The following LCORL variants were observed in gnomAD, a reference collection of about 807,000 sequenced individuals.
The protein encoded by LCORL is ligand-dependent nuclear receptor corepressor-like protein.
A neutral mutation model predicts 141.8 loss-of-function variants in LCORL; 41 were observed. The ratio of observed to expected loss-of-function variants is 0.29; its 90% CI spans 0.23 to 0.38. The LOEUF (loss-of-function observed/expected upper bound fraction) is 0.38. LCORL is among the 10% of genes least tolerant of loss of function. LCORL has a pLI of 1.00. For synonymous variants in LCORL, 618 were observed against 694.1 expected, an observed-to-expected ratio of 0.89 and a Z score of 1.72; for missense variants, 1,759 against 2,035.0, an observed-to-expected ratio of 0.86 and a Z score of 2.61.
At chr4:17,845,670 C>G (rs1722843738) in exon 8 of LCORL, 2 of 1,333,160 alleles carry the variant, frequency 1.5e-6, no homozygotes, top group Admixed American at 4.4e-5. Context: ...GCTTATTGTT[C>G]AGAAGGAATA....
chr4:17,993,904 T>A (rs1720471185), intron 1 of LCORL, among the ~76,000 whole-genome samples: 1 of 152,210 alleles, frequency 6.6e-6, no homozygotes, highest in African/African-American at 2.4e-5. Context: ...ATGGAAAGAA[T>A]TTAGTGATAC....
At chr4:17,873,252 C>A in intron 7 of LCORL, 136 bp downstream of exon 7, 1 of 490,398 alleles carries the variant, frequency 2.0e-6, no homozygotes, top group African/African-American at 2.0e-5. Context: ...GAGTTTCATA[C>A]TAGGTGCCAA....
At chr4:17,847,525 A>G (rs1169439781) in intron 7 of LCORL, among the ~76,000 whole-genome samples, 2 of 152,242 alleles carry the variant, frequency 1.3e-5, no homozygotes, top group African/African-American at 4.8e-5. Flanking sequence ...AGACAAAATG[A>G]CAAACTACCA....
chr4:17,879,715 AAAATGACTAATTTTCACACAAGC>A (rs954311762), intron 6 of LCORL, among the ~76,000 whole-genome samples: 41 of 151,078 alleles, frequency 2.7e-4, no homozygotes, highest in Non-Finnish European at 8.9e-5. Context: ...CAGCAAATTA[AAAATGACTAATTTTCACACAAGC>A]AAAAGAAAAC....
At chr4:17,935,774 T>C (rs1271979763) in intron 4 of LCORL, among the ~76,000 whole-genome samples, 1 of 152,182 alleles carries the variant, frequency 6.6e-6, no homozygotes, top group Non-Finnish European at 1.5e-5. Context: ...AATCACCCAG[T>C]CTTAGTTATT....
chr4:17,935,956 TA>T (rs1296691640), intron 4 of LCORL, among the ~76,000 whole-genome samples: 2 of 152,114 alleles, frequency 1.3e-5, no homozygotes, highest in African/African-American at 2.4e-5. Flanking sequence ...TACTGGGTAA[TA>T]AAAAACCATG....
At chr4:17,987,677 C>T (rs1006236839) in intron 1 of LCORL, among the ~76,000 whole-genome samples, 2 of 152,192 alleles carry the variant, frequency 1.3e-5, no homozygotes, top group Admixed American at 6.5e-5. Flanking sequence ...TCCTTACAAA[C>T]ACTTTGATTA....
chr4:17,878,293 A>G, intron 6 of LCORL, 80 bp from the exon 7 acceptor site: 2 of 1,039,238 alleles, frequency 1.9e-6, no homozygotes, highest in Non-Finnish European at 2.5e-6. Context: ...AGTGTTTGAA[A>G]AAAGATATTT....
In LCORL at chr4:18,021,746, G is replaced by T. The variant is rs903074140; in HGVS notation, c.6C>A (p.Asp2Glu). The change falls in exon 1 of 8, where the codon GAC becomes GAA. Residue 2 changes from aspartate (D) to glutamate (E), a missense_variant. By Grantham distance (45) the Asp-to-Glu change is conservative. Transcript: ENST00000635767. The surrounding 1 kb of genome is among the most constrained non-coding windows in gnomAD (Gnocchi z 5.5). Reference sequence around the variant, plus strand: ...CAGCGGCCATTCTCTCTCTTCCCTTGTCCATCTGCGTCCCGCGTCACGCGC... The same window carrying T: ...CAGCGGCCATTCTCTCTCTTCCCTTTTCCATCTGCGTCCCGCGTCACGCGC... The T allele has an allele frequency of 4.0e-6, 6 of 1,495,146 alleles. No individual in the cohort carries two copies. The highest frequency in any genetic ancestry group is 4.4e-6 in the Non-Finnish European group (5 of 1,126,364). The allele number at this position is 1,495,146 out of a possible 1,614,324, so 92.6% of individuals were successfully genotyped here.
At chr4:17,999,022 A>G (rs1202438233) in intron 1 of LCORL, among the ~76,000 whole-genome samples, 1 of 142,564 alleles carries the variant, frequency 7.0e-6, no homozygotes, top group African/African-American at 2.6e-5. Context: ...ATATATATAT[A>G]TATATATAGT....
intron 7 of LCORL, among the ~76,000 whole-genome samples, chr4:17,861,745 T>C (rs1725041828): frequency 6.6e-6 from 1 of 152,244 alleles, no homozygotes; most frequent in Admixed American, 6.5e-5. Context: ...AAGTTTCCTC[T>C]TGAATGCTTT....
At chr4:17,901,012 G>C (rs1305926535) in intron 5 of LCORL, among the ~76,000 whole-genome samples, 2 of 151,988 alleles carry the variant, frequency 1.3e-5, no homozygotes, top group East Asian at 3.9e-4. Flanking sequence ...GTTGGATTGT[G>C]ACCCGTGCTG....
exon 7 of LCORL, chr4:17,875,491 T>C (rs1726821814): frequency 1.6e-6 from 2 of 1,231,404 alleles, no homozygotes; most frequent in African/African-American, 1.6e-5. Flanking sequence ...TTTAAAGACA[T>C]AAGGTTGCTT....
At chr4:17,913,718 T>C (rs1732932931) in intron 4 of LCORL, among the ~76,000 whole-genome samples, 1 of 152,216 alleles carries the variant, frequency 6.6e-6, no homozygotes. Context: ...TGGGAAATCA[T>C]CAGGCGTCCA....
At chr4:17,923,612 C>G (rs545144968) in intron 4 of LCORL, among the ~76,000 whole-genome samples, 1 of 152,126 alleles carries the variant, frequency 6.6e-6, no homozygotes, top group Non-Finnish European at 1.5e-5. Flanking sequence ...TGCCACTGGA[C>G]TCCAGCCTCG....
chr4:17,990,224 G>A (rs563944265), intron 1 of LCORL, among the ~76,000 whole-genome samples: 324 of 149,280 alleles, frequency 2.2e-3, no homozygotes, highest in Non-Finnish European at 3.8e-3. Flanking sequence ...TCAGCCTTCC[G>A]TGTAGCTGGG....
At chr4:17,925,119 G>C (rs1734916415) in intron 4 of LCORL, among the ~76,000 whole-genome samples, 1 of 152,170 alleles carries the variant, frequency 6.6e-6, no homozygotes, top group African/African-American at 2.4e-5. Flanking sequence ...ATTATTCCAT[G>C]AAACTGGAAG....
intron 4 of LCORL, among the ~76,000 whole-genome samples, chr4:17,920,225 C>T (rs1734071285): frequency 6.6e-6 from 1 of 152,088 alleles, no homozygotes; most frequent in Admixed American, 6.5e-5. Context: ...TAGAGGGCAC[C>T]CAGGTAGTAA....
At chr4:17,973,527 A>T (rs942512877) in intron 1 of LCORL, among the ~76,000 whole-genome samples, 1 of 151,908 alleles carries the variant, frequency 6.6e-6, no homozygotes, top group African/African-American at 2.4e-5. Flanking sequence ...ACAATTTTCA[A>T]CTTTGAAGTC....
Sources: allele counts gnomAD v4.1 joint callset (sites outside exome capture counted in the v4.1 genomes callset), GRCh38; gene constraint gnomAD v4.1.1; non-coding constraint Gnocchi (gnomAD v3.1); transcripts MANE v1.5; gene names NCBI Gene and HGNC (gene_info 2026-07-23, HGNC 2026-07-21).